Variants in FOLH1 observed in about 807,000 individuals in gnomAD.
FOLH1 encodes the protein glutamate carboxypeptidase 2.
In FOLH1, 54 loss-of-function variants were observed where a neutral mutation model predicts 93.9. That is an observed-to-expected ratio of 0.57 (90% CI 0.46 to 0.72). FOLH1 has a LOEUF of 0.72. Ranked by LOEUF, FOLH1 falls within the 30% of genes least tolerant of loss-of-function variation. The probability of loss-of-function intolerance (pLI) is 0.00; values close to 1 mark genes in which losing one functional copy is unlikely to be tolerated. For synonymous variants in FOLH1, 249 were observed against 303.6 expected (o/e 0.82, Z 1.87); for missense variants, 571 against 892.5 (o/e 0.64, Z 4.59).
intron 2 of FOLH1, among the ~76,000 whole-genome samples, chr11:49,200,714 A>G (rs1863173571): frequency 6.6e-6 from 1 of 152,176 alleles, no homozygotes; most frequent in African/African-American, 2.4e-5. Flanking sequence ...GTAGATTATC[A>G]TATTCTTTCT....
At chr11:49,190,216 A>G (rs1339743219) in intron 4 of FOLH1, among the ~76,000 whole-genome samples, 1 of 152,186 alleles carries the variant, frequency 6.6e-6, no homozygotes, top group Non-Finnish European at 1.5e-5. Flanking sequence ...CTTTTGATAT[A>G]TCAGCAATCC....
intron 12 of FOLH1, among the ~76,000 whole-genome samples, chr11:49,166,040 C>T (rs1420548905): frequency 1.3e-5 from 2 of 152,006 alleles, no homozygotes; most frequent in Non-Finnish European, 2.9e-5. Context: ...TAATATTAAC[C>T]ACAACAAACT....
chr11:49,198,481 C>A (rs866232200), intron 3 of FOLH1, among the ~76,000 whole-genome samples: 85 of 145,820 alleles, frequency 5.8e-4, no homozygotes, highest in African/African-American at 1.2e-3. Flanking sequence ...GACTCCGTCT[C>A]AAAAAAAACA....
Position 49,171,234 on chromosome 11 carries a change from T to G in FOLH1, c.1269A>C (p.Ala423=), listed in dbSNP as rs149765617. Reference sequence around the variant, plus strand: ...TAGAACCAAGAAGACCAAATTCTTCTGCATCCCAGCTTGCAAACAAAATTG... The same window carrying G: ...TAGAACCAAGAAGACCAAATTCTTCGGCATCCCAGCTTGCAAACAAAATTG... ...RRTILFASWD[A]EEFGLLGSTE... Residue 423 remains alanine (A), a synonymous_variant, in exon 11 of 19, where the codon GCA becomes GCC. Coordinates refer to ENST00000256999, the MANE Select transcript of FOLH1 (RefSeq NM_004476.3). The G allele has an allele frequency of 2.6e-5, 42 of 1,589,288 alleles. No individual in the cohort carries two copies. The African/African-American group carries it at 5.5e-4, about 21-fold the overall frequency.
At chr11:49,156,444 C>T (rs1182857244) in intron 15 of FOLH1, among the ~76,000 whole-genome samples, 1 of 151,910 alleles carries the variant, frequency 6.6e-6, no homozygotes, top group Non-Finnish European at 1.5e-5. Flanking sequence ...TGCAATGCCA[C>T]CAAATGAAAC....
At chr11:49,153,367 A>G (rs1261767243) in intron 17 of FOLH1, among the ~76,000 whole-genome samples, 1 of 151,490 alleles carries the variant, frequency 6.6e-6, no homozygotes, top group Non-Finnish European at 1.5e-5. Context: ...TGACAAAAAC[A>G]AAGGAGGTAG....
intron 3 of FOLH1, among the ~76,000 whole-genome samples, chr11:49,194,853 A>T (rs982208115): frequency 3.3e-5 from 5 of 152,038 alleles, no homozygotes; most frequent in African/African-American, 4.8e-5. Context: ...CATTTCATCA[A>T]CAATTCTGTT....
chr11:49,195,866 A>T (rs1445720986), intron 3 of FOLH1, among the ~76,000 whole-genome samples: 1 of 152,176 alleles, frequency 6.6e-6, no homozygotes, highest in African/African-American at 2.4e-5. Context: ...TACATTTTTT[A>T]AAAAATCGGC....
At position 49,196,010 on chromosome 11, in the gene FOLH1, C is replaced by T. The variant is rs149738807; in HGVS notation, c.412-3116G>A. The stretch of plus-strand genomic sequence containing the variant: ...CTCTACTAAAAATACAAAAATTAGC[C>T]GGGTGCGGTGGCTCATGCCTGTAGT... On this transcript the variant is annotated intron_variant, in intron 3 of 18. Transcript: ENST00000256999. Among the ~76,000 whole-genome samples the T allele has an allele frequency of 5.9e-3, 894 of 152,060 alleles. 12 individuals are homozygous for T. Among genetic ancestry groups the T allele is most frequent in the African/African-American group, 0.021 (854 of 41,488 alleles).
At chr11:49,160,665 A>G (rs1314783850) in intron 13 of FOLH1, among the ~76,000 whole-genome samples, 2 of 152,066 alleles carry the variant, frequency 1.3e-5, no homozygotes, top group Non-Finnish European at 2.9e-5. Context: ...GATGGTCTCG[A>G]TCTCCTGACC....
intron 13 of FOLH1, among the ~76,000 whole-genome samples, chr11:49,158,818 T>G (rs1355455563): frequency 6.6e-6 from 1 of 152,190 alleles, no homozygotes; most frequent in Admixed American, 6.5e-5. Flanking sequence ...AGAGCAGTGG[T>G]TTGTAGTTCT....
chr11:49,149,231 C>T (rs931475054), intron 17 of FOLH1, among the ~76,000 whole-genome samples: 4 of 152,150 alleles, frequency 2.6e-5, no homozygotes, highest in Admixed American at 6.5e-5. Context: ...ATTGATCTCT[C>T]GGTATAATGA....
At chr11:49,154,751 C>CT (rs1161539283) in intron 15 of FOLH1, among the ~76,000 whole-genome samples, 1 of 151,754 alleles carries the variant, frequency 6.6e-6, no homozygotes, top group Non-Finnish European at 1.5e-5. Flanking sequence ...TGGCTTGCCT[C>CT]TAAGAATGCA....
chr11:49,147,183 G>A lies in FOLH1; in HGVS notation c.2064-238C>T, dbSNP rs1039303852. On this transcript the variant is annotated intron_variant, in intron 18 of 18. Coordinates refer to ENST00000256999, the MANE Select transcript of FOLH1 (RefSeq NM_004476.3). ...GGTTCAGTGCTACAAAACTAACAAT[G>A]ATGATAGTAACCACAGCAATCATTC... is the stretch of plus-strand genomic sequence containing the variant. Among the ~76,000 whole-genome samples the A allele has an allele frequency of 9.9e-5, 15 of 152,088 alleles. No homozygotes were observed. In the East Asian group the frequency reaches 2.5e-3, roughly 25 times the overall value.
intron 7 of FOLH1, among the ~76,000 whole-genome samples, chr11:49,176,487 C>T (rs1258936101): frequency 6.6e-6 from 1 of 152,124 alleles, no homozygotes; most frequent in Non-Finnish European, 1.5e-5. Flanking sequence ...GCAGACCACC[C>T]AGTATATGCC....
chr11:49,151,390 G>A (rs11827889), intron 17 of FOLH1, among the ~76,000 whole-genome samples: 1,527 of 152,032 alleles, frequency 0.01, 25 homozygotes, highest in African/African-American at 0.035. Context: ...CCACACACAC[G>A]TAAATGCGCG....
intron 13 of FOLH1, among the ~76,000 whole-genome samples, chr11:49,160,624 A>G (rs1446420827): frequency 6.6e-6 from 1 of 151,944 alleles, no homozygotes; most frequent in Non-Finnish European, 1.5e-5. Context: ...TTGTATTTTT[A>G]GTAGAGACGG....
In FOLH1 at chr11:49,206,139, T is replaced by TTAG; in HGVS notation, c.149_151dup (p.Thr50dup). On this transcript the variant is annotated inframe_insertion, in exon 2 of 19. Coordinates refer to ENST00000256999, the MANE Select transcript of FOLH1 (RefSeq NM_004476.3). ...TTTCATATTATGCTTTGGAGTAATG[T>TTAG]TAGTAGCTTCATTGGAGGATTTTAT... is the stretch of plus-strand genomic sequence containing the variant. 6.2e-7 allele frequency: 1 copy of TTAG among 1,612,260 alleles called. No homozygotes were observed. Among genetic ancestry groups the TTAG allele is most frequent in the Non-Finnish European group, 8.5e-7 (1 of 1,179,350 alleles).
chr11:49,206,645 T>C, intron 1 of FOLH1: 1 of 671,828 alleles, frequency 1.5e-6, no homozygotes, highest in South Asian at 2.2e-5. Flanking sequence ...TATTTCCAAG[T>C]GTTGAAGGAA....
Sources: gnomAD v4.1 joint callset for allele counts (sites outside exome capture counted in the v4.1 genomes callset) on GRCh38, gnomAD v4.1.1 for gene constraint, MANE v1.5 for transcripts, NCBI Gene and HGNC (gene_info 2026-07-23, HGNC 2026-07-21) for gene names.